Variants in DMD observed in about 807,000 individuals in gnomAD.
DMD encodes dystrophin.
Under a neutral mutation model 330.1 loss-of-function variants are expected in DMD, and 63 were observed. The observed-to-expected ratio is 0.19, with a 90% CI of 0.16 to 0.24. The LOEUF (loss-of-function observed/expected upper bound fraction) is 0.24. DMD is among the 10% of genes least tolerant of loss of function. The pLI is 1.00. For synonymous variants in DMD, 1,223 were observed against 959.8 expected (o/e 1.27, Z -5.07); for missense variants, 3,344 against 2,684.1 (o/e 1.25, Z -5.43).
At chrX:32,042,362 A>G (rs1307405151) in intron 44 of DMD, among the ~76,000 whole-genome samples, 1 of 109,509 alleles carries the variant, frequency 9.1e-6, no homozygotes, top group Non-Finnish European at 1.9e-5. Flanking sequence ...TAGAAAGGGC[A>G]TAGTAGAAAG....
intron 53 of DMD, among the ~76,000 whole-genome samples, chrX:31,659,718 A>G (rs1026792023): frequency 9.2e-6 from 1 of 108,809 alleles, no homozygotes; most frequent in African/African-American, 3.3e-5. Context: ...AACATAATAC[A>G]TCATTCCAAT....
chrX:32,786,704 A>G (rs2075387609), intron 7 of DMD, among the ~76,000 whole-genome samples: 1 of 111,988 alleles, frequency 8.9e-6, no homozygotes, highest in Non-Finnish European at 1.9e-5. Context: ...GTTAATGCAA[A>G]GAAAATATTC....
intron 52 of DMD, among the ~76,000 whole-genome samples, chrX:31,680,098 A>G (rs781158115): frequency 8.9e-6 from 1 of 111,864 alleles, no homozygotes; most frequent in Non-Finnish European, 1.9e-5. Context: ...ATATTGTTAC[A>G]CTAGCTCCCT....
At chrX:31,254,263 C>CA (rs747466154) in intron 63 of DMD, among the ~76,000 whole-genome samples, 1 of 111,285 alleles carries the variant, frequency 9.0e-6, no homozygotes, top group African/African-American at 3.3e-5. Context: ...ATCACAAATG[C>CA]AAAAAAACTC....
intron 30 of DMD, among the ~76,000 whole-genome samples, chrX:32,405,357 G>A (rs1002801831): frequency 2.7e-5 from 3 of 111,345 alleles, no homozygotes; most frequent in Non-Finnish European, 5.7e-5. Context: ...GTGTTTCTTT[G>A]CAGTCACACA....
chrX:32,834,252 G>A (rs1569531327), intron 4 of DMD, among the ~76,000 whole-genome samples: 1 of 111,116 alleles, frequency 9.0e-6, no homozygotes, highest in Non-Finnish European at 1.9e-5. Flanking sequence ...TGTGTGGACT[G>A]ACAATTTTGT....
intron 44 of DMD, among the ~76,000 whole-genome samples, chrX:32,122,329 A>G (rs974638160): frequency 1.8e-5 from 2 of 111,910 alleles, no homozygotes; most frequent in Non-Finnish European, 3.8e-5. Context: ...CTGAAGGCTA[A>G]CCTAGCAATC....
chrX:33,029,748 T>C (rs2147837021), intron 1 of DMD, among the ~76,000 whole-genome samples: 1 of 112,092 alleles, frequency 8.9e-6, no homozygotes, highest in Admixed American at 9.5e-5. Flanking sequence ...GAAGAATTAA[T>C]CGAAGTTGCA....
intron 55 of DMD, among the ~76,000 whole-genome samples, chrX:31,527,817 T>C (rs1166342525): frequency 8.9e-6 from 1 of 111,753 alleles, no homozygotes; most frequent in Non-Finnish European, 1.9e-5. Context: ...TAGTTTCTTA[T>C]TGGATCAGTT....
intron 7 of DMD, among the ~76,000 whole-genome samples, chrX:32,782,599 G>A (rs2074884240): frequency 9.0e-6 from 1 of 111,488 alleles, no homozygotes; most frequent in African/African-American, 3.3e-5. Flanking sequence ...GAACTATGGT[G>A]GTGGTTGTAC....
chrX:32,974,985 A>G (rs2092497601), intron 2 of DMD, among the ~76,000 whole-genome samples: 1 of 112,123 alleles, frequency 8.9e-6, no homozygotes, highest in Non-Finnish European at 1.9e-5. Context: ...AAAAAGGAGT[A>G]CTGAAAATAT....
At chrX:32,234,558 C>A (rs974100642) in intron 43 of DMD, among the ~76,000 whole-genome samples, 2 of 111,321 alleles carry the variant, frequency 1.8e-5, no homozygotes, top group African/African-American at 6.5e-5. Context: ...TAACAAATTT[C>A]AAAAATGCAA....
At chrX:33,046,125 A>G (rs1471509854) in intron 1 of DMD, among the ~76,000 whole-genome samples, 1 of 110,955 alleles carries the variant, frequency 9.0e-6, no homozygotes, top group Non-Finnish European at 1.9e-5. Flanking sequence ...GCTAAGTAAT[A>G]CTCCTGTGTT....
At chrX:32,708,890 C>T (rs1248483943) in intron 7 of DMD, among the ~76,000 whole-genome samples, 1 of 111,455 alleles carries the variant, frequency 9.0e-6, no homozygotes, top group Non-Finnish European at 1.9e-5. Flanking sequence ...CAACAACTGA[C>T]AAAATAACTG....
chrX:31,760,587 T>C (rs1190483267), intron 51 of DMD, among the ~76,000 whole-genome samples: 1 of 111,770 alleles, frequency 8.9e-6, no homozygotes, highest in Admixed American at 9.5e-5. Flanking sequence ...ACAACCTAGA[T>C]GTATAGTAGG....
At chrX:32,456,169 T>A (rs2098357315) in intron 25 of DMD, among the ~76,000 whole-genome samples, 1 of 110,813 alleles carries the variant, frequency 9.0e-6, no homozygotes, top group Non-Finnish European at 1.9e-5. Flanking sequence ...TAAATATGTG[T>A]AGAATCACTA....
At chrX:33,017,860 A>C (rs891384747) in intron 2 of DMD, among the ~76,000 whole-genome samples, 4 of 111,805 alleles carry the variant, frequency 3.6e-5, no homozygotes, top group African/African-American at 1.3e-4. Context: ...CACTTCAACT[A>C]ATCTGTGTAT....
chrX:32,583,832 C>A (rs768768838), intron 13 of DMD: 1 of 111,906 alleles, frequency 8.9e-6, no homozygotes, highest in Non-Finnish European at 1.9e-5. Flanking sequence ...GATTGTAATA[C>A]GAAAGGTAAA....
chrX:32,739,887 G>C, intron 7 of DMD, among the ~76,000 whole-genome samples: 1 of 110,314 alleles, frequency 9.1e-6, no homozygotes, highest in Admixed American at 9.8e-5. Context: ...AACACTCCCT[G>C]TTTTAACAAA....
Sources: allele counts gnomAD v4.1 joint callset (sites outside exome capture counted in the v4.1 genomes callset), GRCh38; gene constraint gnomAD v4.1.1; transcripts MANE v1.5; gene names NCBI Gene and HGNC (gene_info 2026-07-23, HGNC 2026-07-21).